LTBP1: variants seen among roughly 807,000 people sequenced by gnomAD.
The protein encoded by LTBP1 is latent transforming growth factor beta binding protein 1, also known as latent-transforming growth factor beta-binding protein 1.
A neutral mutation model predicts 207.6 loss-of-function variants in LTBP1; 129 were observed. The ratio of observed to expected loss-of-function variants is 0.62; its 90% CI spans 0.54 to 0.72. The LOEUF (loss-of-function observed/expected upper bound fraction) is 0.72. Among genes scored for constraint, LTBP1 ranks in the 30% least tolerant of loss-of-function variants. The pLI is 0.00. For missense variants in LTBP1, 2,281 were observed against 2,217.2 expected (o/e 1.03, Z -0.58); for synonymous variants, 963 against 833.7 (o/e 1.16, Z -2.67).
At chr2:33,282,933 C>T (rs370628897) in intron 19 of LTBP1, among the ~76,000 whole-genome samples, 2 of 151,770 alleles carry the variant, frequency 1.3e-5, no homozygotes, top group South Asian at 2.1e-4. Flanking sequence ...TGTGGTGGCA[C>T]GCGCCTATAA....
At chr2:32,981,643 A>C (rs1032668567) in intron 2 of LTBP1, among the ~76,000 whole-genome samples, 3 of 152,144 alleles carry the variant, frequency 2.0e-5, no homozygotes, top group Non-Finnish European at 4.4e-5. Context: ...CCATGTCCCC[A>C]CCCAAATCTC....
At chr2:33,097,654 C>G (rs1215825782) in intron 3 of LTBP1, among the ~76,000 whole-genome samples, 2 of 152,056 alleles carry the variant, frequency 1.3e-5, no homozygotes, top group African/African-American at 4.8e-5. Flanking sequence ...GGTGGATAAC[C>G]TGTGTTTTTC....
At chr2:33,015,084 T>C (rs890707472) in intron 2 of LTBP1, among the ~76,000 whole-genome samples, 11 of 152,048 alleles carry the variant, frequency 7.2e-5, no homozygotes, top group Admixed American at 1.3e-4. Flanking sequence ...CTAAATGTTA[T>C]GCCCCTTGTG....
intron 2 of LTBP1, among the ~76,000 whole-genome samples, chr2:32,978,957 C>A (rs1412272724): frequency 1.3e-5 from 2 of 151,664 alleles, no homozygotes; most frequent in East Asian, 3.9e-4. Flanking sequence ...GGGAGTTGAT[C>A]CATTTCTCCT....
chr2:33,293,632 G>A (rs917693223), intron 20 of LTBP1, among the ~76,000 whole-genome samples: 2 of 151,806 alleles, frequency 1.3e-5, no homozygotes, highest in African/African-American at 2.4e-5. Context: ...GTATAGCATG[G>A]GAATTATTTC....
At chr2:33,352,445 T>C (rs911605333) in intron 26 of LTBP1, among the ~76,000 whole-genome samples, 2 of 152,168 alleles carry the variant, frequency 1.3e-5, no homozygotes, top group African/African-American at 4.8e-5. Flanking sequence ...TATTTATTAA[T>C]TGCTAGACAT....
chr2:33,212,349 T>A (rs1320941509), intron 7 of LTBP1, among the ~76,000 whole-genome samples: 1 of 152,138 alleles, frequency 6.6e-6, no homozygotes, highest in Admixed American at 6.5e-5. Context: ...ACTCTAGAGA[T>A]GTGGAAATGA....
chr2:33,173,989 A>G (rs1488175132), intron 5 of LTBP1, among the ~76,000 whole-genome samples: 2 of 134,718 alleles, frequency 1.5e-5, no homozygotes, highest in Non-Finnish European at 3.3e-5. Context: ...TAAATTAGGT[A>G]TTGATGGGAC....
At chr2:33,163,955 G>A (rs546028149) in intron 5 of LTBP1, among the ~76,000 whole-genome samples, 2 of 151,860 alleles carry the variant, frequency 1.3e-5, no homozygotes, top group African/African-American at 2.4e-5. Context: ...GAAAACAGGT[G>A]TATTGATTCT....
chr2:33,277,440 G>T (rs777251516), intron 18 of LTBP1, among the ~76,000 whole-genome samples: 26 of 152,156 alleles, frequency 1.7e-4, no homozygotes, highest in Non-Finnish European at 3.8e-4. Flanking sequence ...CTGACCTGTA[G>T]CCACTGACTT....
intron 5 of LTBP1, among the ~76,000 whole-genome samples, chr2:33,154,179 A>G (rs1272931201): frequency 6.6e-6 from 1 of 152,178 alleles, no homozygotes; most frequent in African/African-American, 2.4e-5. Flanking sequence ...ACTCATACCA[A>G]AATTACATTA....
At chr2:33,228,697 CTTTTTTT>C (rs1244221993) in intron 9 of LTBP1, among the ~76,000 whole-genome samples, 1 of 99,060 alleles carries the variant, frequency 1.0e-5, no homozygotes, top group African/African-American at 4.1e-5. Context: ...GGGTTATACC[CTTTTTTT>C]TTTTTTTTTT....
At chr2:33,224,441 T>C (rs2091316848) in intron 9 of LTBP1, among the ~76,000 whole-genome samples, 1 of 152,214 alleles carries the variant, frequency 6.6e-6, no homozygotes, top group South Asian at 2.1e-4. Context: ...TTTATTTGTT[T>C]GCCATTTTTT....
At chr2:33,180,103 C>A (rs953005069) in intron 5 of LTBP1, among the ~76,000 whole-genome samples, 20 of 152,232 alleles carry the variant, frequency 1.3e-4, no homozygotes, top group African/African-American at 4.8e-4. Flanking sequence ...ATTCTTCCCC[C>A]TTTAGGTTCA....
At chr2:33,065,070 A>T (rs573117716) in intron 3 of LTBP1, among the ~76,000 whole-genome samples, 1 of 152,156 alleles carries the variant, frequency 6.6e-6, no homozygotes, top group African/African-American at 2.4e-5. Context: ...AAATGAGGAA[A>T]TTATCTTATA....
At chr2:32,970,939 AGT>A (rs926542576) in intron 2 of LTBP1, among the ~76,000 whole-genome samples, 4 of 149,508 alleles carry the variant, frequency 2.7e-5, no homozygotes, top group Non-Finnish European at 5.9e-5. Context: ...TTCTTTCAGC[AGT>A]GTTTTTCAAT....
chr2:33,394,773 G>C (rs1048395846), intron 32 of LTBP1, among the ~76,000 whole-genome samples: 11 of 152,282 alleles, frequency 7.2e-5, no homozygotes, highest in Non-Finnish European at 1.6e-4. Context: ...GCTTAGGATT[G>C]TCTTGGCAAT....
At chr2:33,296,439 T>C (rs996141407) in intron 20 of LTBP1, among the ~76,000 whole-genome samples, 12 of 152,124 alleles carry the variant, frequency 7.9e-5, no homozygotes, top group African/African-American at 2.7e-4. Flanking sequence ...ATTCATCTTC[T>C]TCCTCACTGC....
chr2:33,017,691 A>T (rs1688578882), intron 2 of LTBP1, among the ~76,000 whole-genome samples: 1 of 152,126 alleles, frequency 6.6e-6, no homozygotes, highest in African/African-American at 2.4e-5. Context: ...ATCTCGGCTC[A>T]CTGCAAGCTC....
Sources: gnomAD v4.1 joint callset for allele counts (sites outside exome capture counted in the v4.1 genomes callset) on GRCh38, gnomAD v4.1.1 for gene constraint, MANE v1.5 for transcripts, NCBI Gene and HGNC (gene_info 2026-07-23, HGNC 2026-07-21) for gene names.